The following TRIM25 variants were observed in gnomAD, a reference collection of about 807,000 sequenced individuals.
The protein encoded by TRIM25 is tripartite motif containing 25, also known as E3 ubiquitin/ISG15 ligase TRIM25.
In TRIM25, 45 loss-of-function variants were observed where a neutral mutation model predicts 65.2. The observed-to-expected ratio is 0.69, with a 90% CI of 0.54 to 0.89. The LOEUF (loss-of-function observed/expected upper bound fraction) is 0.89. TRIM25 is among the 40% of genes least tolerant of loss of function. The pLI is 0.00. For synonymous variants in TRIM25, 321 were observed against 340.4 expected, an observed-to-expected ratio of 0.94 and a Z score of 0.63; for missense variants, 714 against 803.7, an observed-to-expected ratio of 0.89 and a Z score of 1.35.
rs1909673204 is a variant in TRIM25, at chr17:56,913,590, C to A, written c.399G>T (p.Pro133=). The change falls in exon 1 of 9, where the codon CCG becomes CCT. Residue 133 remains proline, a synonymous_variant. Coordinates refer to ENST00000316881, the MANE Select transcript of TRIM25 (RefSeq NM_005082.5). This position sits in a 1 kb window ranked among gnomAD's most constrained non-coding sequence, Gnocchi z 6.1. ...MASFCQEHLQ[P]HFDSPAFQDH... is the part of the protein sequence containing the mutation. ...CCTGGAAGGCGGGGCTGTCGAAGTG[C>A]GGCTGCAGGTGCTCCTGACAGAAGG... is the stretch of plus-strand genomic sequence containing the variant. The A allele has an allele frequency of 3.1e-6, 5 of 1,609,700 alleles. 1 individual carries two copies. In the South Asian group the frequency reaches 4.4e-5, roughly 14 times the overall value.
At chr17:56,909,307 C>G (rs113727674) in intron 1 of TRIM25, among the ~76,000 whole-genome samples, 228 of 152,140 alleles carry the variant, frequency 1.5e-3, no homozygotes, top group South Asian at 0.011. Context: ...AGGCTGGGAG[C>G]CTTTGTCAGC....
chr17:56,894,076 G>A (rs964215337), intron 8 of TRIM25, among the ~76,000 whole-genome samples: 2 of 152,172 alleles, frequency 1.3e-5, no homozygotes, highest in Admixed American at 6.5e-5. Context: ...ATTCCAACAC[G>A]CAGCCACAGT....
chr17:56,897,463 C>T (rs1567839138), intron 5 of TRIM25, among the ~76,000 whole-genome samples: 1 of 152,022 alleles, frequency 6.6e-6, no homozygotes, highest in African/African-American at 2.4e-5. Flanking sequence ...GTCGCTCACT[C>T]TCCCATTTCC....
intron 2 of TRIM25, 70 bp downstream of exon 2, chr17:56,908,398 A>G: frequency 1.3e-6 from 2 of 1,488,484 alleles, no homozygotes; most frequent in Non-Finnish European, 1.9e-6. Context: ...GGTCAGAGCC[A>G]CGCCCATCCC....
chr17:56,909,417 G>T (rs1448685020), intron 1 of TRIM25, among the ~76,000 whole-genome samples: 17 of 152,286 alleles, frequency 1.1e-4, no homozygotes, highest in Non-Finnish European at 1.5e-5. Context: ...AGGCGCAGTG[G>T]CTCATGCCTG....
rs1909144618 is a variant in TRIM25 at position 56,890,464 on chromosome 17, C to G, written c.*1236G>C. 7.7e-6 allele frequency: 3 copies of G among 388,218 alleles called. No homozygotes were observed. The highest frequency in any genetic ancestry group is 5.6e-5 in the South Asian group (3 of 53,718). 24.0% of individuals were successfully genotyped at this position (388,218 alleles called of 1,614,324 possible). A position where few individuals can be genotyped will look rare whatever the true frequency, so the allele number is the denominator to read the frequency against. ...AAGGGGCTAGGGCCAGCCCCAGGCT[C>G]TGACTCACGCAAGGGCCAGTGCTGG... On this transcript the variant is annotated 3_prime_UTR_variant, in exon 9 of 9. Transcript: ENST00000316881.
At chr17:56,895,273 G>A (rs976622009) in intron 8 of TRIM25, 70 bp downstream of exon 8, 11 of 1,280,720 alleles carry the variant, frequency 8.6e-6, no homozygotes, top group Non-Finnish European at 1.2e-5. Context: ...TGGCCTCACA[G>A]AGAGCTGCAC....
rs773020619 is a variant in TRIM25, at chr17:56,895,334, G to A, written c.1363+9C>T. 42 of 1,611,710 alleles carry A rather than the reference G, an allele frequency of 2.6e-5. No homozygotes were observed. Among genetic ancestry groups the A allele is most frequent in the Admixed American group, 6.7e-5 (4 of 60,002 alleles). ...AGTGGAACCGCGCACCAGCCCCGAA[G>A]CTACTCACACTCCAGGAGCTCAGGT... On this transcript the variant is annotated intron_variant, in intron 8 of 8. Transcript: ENST00000316881.
chr17:56,890,873 C>G lies in TRIM25; in HGVS notation c.*827G>C, dbSNP rs540049099. 2.2e-6 allele frequency: 1 copy of G among 456,592 alleles called. No individual in the cohort carries two copies. The highest frequency in any genetic ancestry group is 2.0e-5 in the African/African-American group (1 of 50,088). The allele number at this position is 456,592 out of a possible 1,614,324, so 28.3% of individuals were successfully genotyped here. A position where few individuals can be genotyped will look rare whatever the true frequency, so the allele number is the denominator to read the frequency against. ...GCCAAGGCTATGGGAAGCAAGGCCT[C>G]CAGCAAAGCTCATGGCTGCCACCAA... On this transcript the variant is annotated 3_prime_UTR_variant, in exon 9 of 9. Transcript: ENST00000316881.
chr17:56,912,690 G>A (rs1403725175), intron 1 of TRIM25: 1 of 152,122 alleles, frequency 6.6e-6, no homozygotes, highest in East Asian at 1.9e-4. Context: ...TACTGCATTA[G>A]GTCAGGCTAA....
At chr17:56,902,650 C>T (rs988851767) in intron 3 of TRIM25, among the ~76,000 whole-genome samples, 2 of 152,332 alleles carry the variant, frequency 1.3e-5, no homozygotes, top group South Asian at 2.1e-4. Context: ...ACTGCTGGCA[C>T]AGGCGGGGCC....
intron 1 of TRIM25, among the ~76,000 whole-genome samples, chr17:56,910,375 T>C (rs1025339224): frequency 3.9e-5 from 6 of 152,184 alleles, no homozygotes; most frequent in Admixed American, 3.3e-4. Flanking sequence ...TCATGATGTT[T>C]CAAACTTGAC....
chr17:56,902,103 A>G (rs1204881505), intron 3 of TRIM25, among the ~76,000 whole-genome samples: 1 of 152,234 alleles, frequency 6.6e-6, no homozygotes, highest in Non-Finnish European at 1.5e-5. Context: ...CAAGAAGCCT[A>G]GATGTGCACT....
Position 56,891,118 on chromosome 17 carries a change from G to A in TRIM25, c.*582C>T, listed in dbSNP as rs1188175876. On this transcript the variant is annotated 3_prime_UTR_variant, in exon 9 of 9. Coordinates refer to ENST00000316881, the MANE Select transcript of TRIM25 (RefSeq NM_005082.5). ...CACTATTTTCCAGTGGAGGAAGAGG[G>A]TATGCCTCTTTAGGAAACTGTTCTG... is the stretch of plus-strand genomic sequence containing the variant. 3 of 362,006 alleles carry A rather than the reference G, an allele frequency of 8.3e-6. No individual in the cohort carries two copies. The highest frequency in any genetic ancestry group is 1.1e-5 in the Non-Finnish European group (2 of 183,046). 22.4% of individuals were successfully genotyped at this position (362,006 alleles called of 1,614,324 possible).
At chr17:56,908,968 T>A (rs1909574336) in intron 1 of TRIM25, among the ~76,000 whole-genome samples, 1 of 152,096 alleles carries the variant, frequency 6.6e-6, no homozygotes, top group Non-Finnish European at 1.5e-5. Context: ...TATATTATTA[T>A]GAGTTTTTCT....
At position 56,913,888 on chromosome 17, in the gene TRIM25, C is replaced by G; in HGVS notation, c.101G>C (p.Gly34Ala). 6.4e-7 allele frequency: 1 copy of G among 1,563,860 alleles called. No individual in the cohort carries two copies. Among genetic ancestry groups the G allele is most frequent in the Non-Finnish European group, 8.7e-7 (1 of 1,154,534 alleles). ...TGCCCACGTCTCATTCAGGCACGACCCGCAGAAGTTGTGGCCGCACGGAGT... is the reference window on the plus strand; with the variant it reads ...TGCCCACGTCTCATTCAGGCACGACGCGCAGAAGTTGTGGCCGCACGGAGT... Reference protein sequence around the residue: ...VTTPCGHNFCGSCLNETWAVQ... With the variant: ...VTTPCGHNFCASCLNETWAVQ... The change falls in exon 1 of 9, where the codon GGG (glycine) becomes GCG (alanine). Residue 34 changes from glycine (G) to alanine (A), a missense_variant. Around this residue, in one of 3 missense-constraint regions of TRIM25, gnomAD observed 291 missense variants for 281.8 expected, o/e 1.03. Coordinates refer to ENST00000316881, the MANE Select transcript of TRIM25 (RefSeq NM_005082.5). This position sits in a 1 kb window ranked among gnomAD's most constrained non-coding sequence, Gnocchi z 6.1.
intron 8 of TRIM25, 40 bp downstream of exon 8, chr17:56,895,303 A>G (rs914933342): frequency 9.1e-6 from 14 of 1,542,628 alleles, no homozygotes; most frequent in Non-Finnish European, 1.3e-5. Flanking sequence ...CAGGAGAGAC[A>G]GAACCAGTGG....
At chr17:56,908,111 C>T (rs1454633925) in intron 2 of TRIM25, among the ~76,000 whole-genome samples, 2 of 152,204 alleles carry the variant, frequency 1.3e-5, no homozygotes, top group African/African-American at 4.8e-5. Context: ...CACAGTAGCC[C>T]TATGAAACTA....
intron 5 of TRIM25, among the ~76,000 whole-genome samples, chr17:56,897,619 C>G (rs1909319828): frequency 6.6e-6 from 1 of 152,168 alleles, no homozygotes; most frequent in Non-Finnish European, 1.5e-5. Context: ...TACCCCCTCC[C>G]CTATTTCCCC....
Sources: allele counts gnomAD v4.1 joint callset (sites outside exome capture counted in the v4.1 genomes callset), GRCh38; gene constraint gnomAD v4.1.1; regional missense constraint gnomAD v4.1.1; non-coding constraint Gnocchi (gnomAD v3.1); transcripts MANE v1.5; gene names NCBI Gene and HGNC (gene_info 2026-07-23, HGNC 2026-07-21).